Variants in ILRUN observed in about 807,000 individuals in gnomAD.
ILRUN encodes the protein protein ILRUN.
Under a neutral mutation model 33.8 loss-of-function variants are expected in ILRUN, and 3 were observed. That is an observed-to-expected ratio of 0.09 (90% CI 0.04 to 0.23). The LOEUF is 0.23. ILRUN is among the 10% of genes least tolerant of loss of function. ILRUN has a pLI of 1.00. For missense variants in ILRUN, 210 were observed against 375.1 expected, an observed-to-expected ratio of 0.56 and a Z score of 3.64; for synonymous variants, 124 against 138.9, an observed-to-expected ratio of 0.89 and a Z score of 0.75.
chr6:34,599,858 G>A (rs1761473179), intron 4 of ILRUN, among the ~76,000 whole-genome samples: 1 of 152,170 alleles, frequency 6.6e-6, no homozygotes, highest in Admixed American at 6.5e-5. Context: ...ATCCATTGAT[G>A]GTAGCTCCAT....
At chr6:34,669,056 G>C (rs892251365) in intron 1 of ILRUN, among the ~76,000 whole-genome samples, 2 of 151,946 alleles carry the variant, frequency 1.3e-5, no homozygotes, top group African/African-American at 4.8e-5. Flanking sequence ...TGTTGGCCAG[G>C]CTGGTCTCAA....
At chr6:34,598,298 T>G (rs1310183961) in intron 4 of ILRUN, among the ~76,000 whole-genome samples, 2 of 152,208 alleles carry the variant, frequency 1.3e-5, no homozygotes, top group East Asian at 3.8e-4. Context: ...GAAGCTCCCA[T>G]TTATCCTGAG....
chr6:34,667,860 A>C (rs137869049), intron 1 of ILRUN, among the ~76,000 whole-genome samples: 59 of 152,338 alleles, frequency 3.9e-4, no homozygotes, highest in African/African-American at 1.2e-3. Flanking sequence ...AAGTCTAAAG[A>C]GACATGATAA....
At chr6:34,599,056 G>A (rs184751732) in intron 4 of ILRUN, among the ~76,000 whole-genome samples, 20 of 152,166 alleles carry the variant, frequency 1.3e-4, no homozygotes, top group African/African-American at 2.2e-4. Context: ...CTGACACTAA[G>A]TGCATAAACT....
chr6:34,674,701 G>A (rs775550051), intron 1 of ILRUN, among the ~76,000 whole-genome samples: 3 of 152,086 alleles, frequency 2.0e-5, no homozygotes, highest in Non-Finnish European at 4.4e-5. Flanking sequence ...TTGTAATTTG[G>A]ATAAAATGAA....
intron 2 of ILRUN, among the ~76,000 whole-genome samples, chr6:34,653,232 AT>A (rs1460665874): frequency 6.7e-6 from 1 of 150,352 alleles, no homozygotes; most frequent in African/African-American, 2.5e-5. Flanking sequence ...ATTTATTTTT[AT>A]TTTTAATTTT....
At chr6:34,682,251 GTTTTTTT>G (rs66948142) in intron 1 of ILRUN, among the ~76,000 whole-genome samples, 1 of 51,072 alleles carries the variant, frequency 2.0e-5, no homozygotes, top group South Asian at 6.6e-4. Context: ...TGCAACCTCT[GTTTTTTT>G]TTTTTTTTTT....
rs1763787573 is a variant in ILRUN at position 34,696,691 on chromosome 6, G to A, written c.-88C>T. On this transcript the variant is annotated 5_prime_UTR_variant, in exon 1 of 5. Transcript: ENST00000374023. ...CCCGGGGACCTGGAGGGGGGCCGCT[G>A]CTAGCTAGCTTCGCGACCCCGCTCC... 6.9e-7 allele frequency: 1 copy of A among 1,446,658 alleles called. No homozygotes were observed. Among genetic ancestry groups the A allele is most frequent in the Non-Finnish European group, 9.3e-7 (1 of 1,070,316 alleles). 89.6% of individuals were successfully genotyped at this position (1,446,658 alleles called of 1,614,324 possible). A position where few individuals can be genotyped will look rare whatever the true frequency, so the allele number is the denominator to read the frequency against.
At chr6:34,628,251 C>T (rs1431702685) in intron 3 of ILRUN, among the ~76,000 whole-genome samples, 1 of 152,044 alleles carries the variant, frequency 6.6e-6, no homozygotes, top group Non-Finnish European at 1.5e-5. Flanking sequence ...GAACTCCTGA[C>T]CTCAGGTGAT....
chr6:34,601,705 G>T (rs60005311), intron 4 of ILRUN, among the ~76,000 whole-genome samples: 3 of 119,272 alleles, frequency 2.5e-5, no homozygotes, highest in Non-Finnish European at 5.2e-5. Context: ...TCCAGTACCC[G>T]CCCCCCCAAC....
intron 1 of ILRUN, chr6:34,686,690 C>T (rs546300685): frequency 9.5e-6 from 2 of 210,884 alleles, no homozygotes; most frequent in Non-Finnish European, 2.0e-5. Flanking sequence ...AAAGGCAGGC[C>T]GGGCGCGGTG....
chr6:34,692,831 A>G (rs552487279), intron 1 of ILRUN, among the ~76,000 whole-genome samples: 1 of 152,290 alleles, frequency 6.6e-6, no homozygotes, highest in East Asian at 1.9e-4. Flanking sequence ...TGCATGTATG[A>G]GACGTGCCAA....
rs199600272 is a variant in ILRUN, at chr6:34,636,520, AG to A, written c.511+10080del. On this transcript the variant is annotated intron_variant, in intron 3 of 4. Transcript: ENST00000374023. ...AAGGCTGGTGTCAAACCATCGTTAC[AG>A]GAACAGAATGCAATCTGCTTTTCAA... Among the ~76,000 whole-genome samples the A allele has an allele frequency of 7.3e-3, 1,118 of 152,324 alleles. 21 individuals are homozygous for A. The highest frequency in any genetic ancestry group is 0.026 in the African/African-American group (1,063 of 41,576).
At position 34,616,833 on chromosome 6, in the gene ILRUN, A is replaced by T. The variant is rs1430035014; in HGVS notation, c.512-9929T>A. 1.7e-5 allele frequency: 12 copies of T among 702,696 alleles called. No homozygotes were observed. In the East Asian group the frequency reaches 3.0e-4, roughly 17 times the overall value. The allele number at this position is 702,696 out of a possible 1,614,324, so 43.5% of individuals were successfully genotyped here. A position where few individuals can be genotyped will look rare whatever the true frequency, so the allele number is the denominator to read the frequency against. Reference sequence around the variant, plus strand: ...AATGGTGTGAACCCAAAGGTCTGAAAGGTGTTGCAGCTTCTTTGCCTTCAT... The same window carrying T: ...AATGGTGTGAACCCAAAGGTCTGAATGGTGTTGCAGCTTCTTTGCCTTCAT... On this transcript the variant is annotated intron_variant, in intron 3 of 4. Coordinates refer to ENST00000374023, the MANE Select transcript of ILRUN (RefSeq NM_024294.4).
At chr6:34,638,917 C>T (rs966013249) in intron 3 of ILRUN, among the ~76,000 whole-genome samples, 2 of 152,014 alleles carry the variant, frequency 1.3e-5, no homozygotes, top group Non-Finnish European at 2.9e-5. Context: ...GGAGAAATGT[C>T]GGGCAGAATA....
rs1761257030 is a variant in ILRUN at position 34,589,531 on chromosome 6, G to A, written c.*1034C>T. 6.6e-6 allele frequency: 1 copy of A among 152,288 alleles called. No individual in the cohort carries two copies. The highest frequency in any genetic ancestry group is 1.5e-5 in the Non-Finnish European group (1 of 68,070). The allele number at this position is 152,288 out of a possible 1,614,324, so 9.4% of individuals were successfully genotyped here. A position where few individuals can be genotyped will look rare whatever the true frequency, so the allele number is the denominator to read the frequency against. ...GAAGAGAAACAGGGAAAGGTGTTGT[G>A]TGACAACAGAGAAGCATGGGCCACC... is the stretch of plus-strand genomic sequence containing the variant. On this transcript the variant is annotated 3_prime_UTR_variant, in exon 5 of 5. Coordinates refer to ENST00000374023, the MANE Select transcript of ILRUN (RefSeq NM_024294.4).
At chr6:34,693,626 A>G (rs1041802193) in intron 1 of ILRUN, among the ~76,000 whole-genome samples, 1 of 151,844 alleles carries the variant, frequency 6.6e-6, no homozygotes, top group Non-Finnish European at 1.5e-5. Flanking sequence ...GGCTTTGAGC[A>G]TAAGTTTTTT....
At chr6:34,652,371 G>T (rs772370296) in intron 2 of ILRUN, among the ~76,000 whole-genome samples, 1 of 152,138 alleles carries the variant, frequency 6.6e-6, no homozygotes, top group African/African-American at 2.4e-5. Flanking sequence ...AGGAAAGGGG[G>T]CGAATGAAAT....
intron 1 of ILRUN, among the ~76,000 whole-genome samples, chr6:34,666,273 T>C (rs1028451947): frequency 6.6e-6 from 1 of 152,110 alleles, no homozygotes; most frequent in Admixed American, 6.6e-5. Flanking sequence ...AAAAGCTATA[T>C]ACTTGGCCGG....
Sources: gnomAD v4.1 joint callset for allele counts (sites outside exome capture counted in the v4.1 genomes callset) on GRCh38, gnomAD v4.1.1 for gene constraint, MANE v1.5 for transcripts, NCBI Gene and HGNC (gene_info 2026-07-23, HGNC 2026-07-21) for gene names.